Variants in SETBP1 observed in about 807,000 individuals in gnomAD.
SETBP1 encodes the protein SET binding protein 1.
Under a neutral mutation model 101.0 loss-of-function variants are expected in SETBP1, and 9 were observed. The observed-to-expected ratio is 0.09, with a 90% CI of 0.05 to 0.16. The LOEUF is 0.16. SETBP1 is among the 10% of genes least tolerant of loss of function. The probability of loss-of-function intolerance (pLI) is 1.00; values close to 1 mark genes in which losing one functional copy is unlikely to be tolerated. For synonymous variants in SETBP1, 818 were observed against 788.5 expected (o/e 1.04, Z -0.63); for missense variants, 1,858 against 2,033.8 (o/e 0.91, Z 1.66).
intron 4 of SETBP1, among the ~76,000 whole-genome samples, chr18:44,970,598 C>T (rs898051980): frequency 2.0e-5 from 3 of 151,960 alleles, no homozygotes; most frequent in Non-Finnish European, 4.4e-5. Flanking sequence ...GTTCCCCAGG[C>T]TGCAGTGAAA....
At chr18:44,864,006 A>G (rs1670768580) in intron 2 of SETBP1, among the ~76,000 whole-genome samples, 3 of 152,056 alleles carry the variant, frequency 2.0e-5, no homozygotes, top group African/African-American at 7.2e-5. Flanking sequence ...AGCCAGAGCA[A>G]TTGGTGCGGG....
chr18:45,051,747 G>A (rs1219133098), intron 5 of SETBP1, among the ~76,000 whole-genome samples: 1 of 151,916 alleles, frequency 6.6e-6, no homozygotes, highest in African/African-American at 2.4e-5. Flanking sequence ...GGTTTTCTTG[G>A]TGACTCTTAA....
intron 4 of SETBP1, among the ~76,000 whole-genome samples, chr18:45,020,258 TAAAAAAAAAA>T (rs57134217): frequency 6.0e-4 from 32 of 53,084 alleles, no homozygotes; most frequent in African/African-American, 1.7e-3. Context: ...GACTCTGTCT[TAAAAAAAAAA>T]AAAAAAAAAA....
intron 5 of SETBP1, among the ~76,000 whole-genome samples, chr18:45,059,143 C>A (rs1055823065): frequency 1.1e-4 from 17 of 152,032 alleles, no homozygotes; most frequent in African/African-American, 4.1e-4. Flanking sequence ...CCTCATGTAC[C>A]CATCAATATC....
At chr18:45,040,407 A>G (rs2073485095) in intron 5 of SETBP1, among the ~76,000 whole-genome samples, 1 of 152,190 alleles carries the variant, frequency 6.6e-6, no homozygotes, top group Non-Finnish European at 1.5e-5. Context: ...GCTGTGGCTG[A>G]CTTCAAAAAA....
chr18:44,889,903 A>T (rs2069729309), intron 3 of SETBP1, among the ~76,000 whole-genome samples: 1 of 152,150 alleles, frequency 6.6e-6, no homozygotes, highest in Non-Finnish European at 1.5e-5. Context: ...TTTTCCCAAC[A>T]TTTAATGAAG....
chr18:44,712,435 A>C (rs1161854052), intron 2 of SETBP1, among the ~76,000 whole-genome samples: 1 of 152,222 alleles, frequency 6.6e-6, no homozygotes, highest in Non-Finnish European at 1.5e-5. Flanking sequence ...ATGAGAACTC[A>C]GCTCAGGAAT....
chr18:44,855,181 G>T (rs777203031), intron 2 of SETBP1, among the ~76,000 whole-genome samples: 1 of 151,736 alleles, frequency 6.6e-6, no homozygotes, highest in Non-Finnish European at 1.5e-5. Flanking sequence ...ATAATTAACA[G>T]GTTATAGTGT....
intron 3 of SETBP1, among the ~76,000 whole-genome samples, chr18:44,923,874 G>C (rs2070636844): frequency 6.6e-6 from 1 of 152,168 alleles, no homozygotes; most frequent in Non-Finnish European, 1.5e-5. Context: ...AGTGTGTGCA[G>C]TCTAGAAGAC....
At chr18:44,877,485 A>C (rs2069433759) in intron 3 of SETBP1, 1 of 552,988 alleles carries the variant, frequency 1.8e-6, no homozygotes, top group Non-Finnish European at 2.3e-6. Flanking sequence ...TTCACCCTCC[A>C]AAAAAAATGG....
chr18:44,842,931 A>G (rs1372924214), intron 2 of SETBP1, among the ~76,000 whole-genome samples: 1 of 152,214 alleles, frequency 6.6e-6, no homozygotes, highest in Non-Finnish European at 1.5e-5. Flanking sequence ...ATGACCCTTG[A>G]GCTGGCAGAG....
In SETBP1 at chr18:45,006,876, G is replaced by A. The variant is rs138123635; in HGVS notation, c.4001-31609G>A. 4.9e-3 allele frequency among the ~76,000 whole-genome samples: 748 copies of A among 152,268 alleles called. 7 individuals carry two copies. The highest frequency in any genetic ancestry group is 0.017 in the African/African-American group (720 of 41,538). On this transcript the variant is annotated intron_variant, in intron 4 of 5. Transcript: ENST00000649279. ...ATTGCCTTATATTCGCACATCCTCT[G>A]TTGCACCAAGTGAACTCTACAGCAC...
intron 4 of SETBP1, among the ~76,000 whole-genome samples, chr18:44,976,485 G>T (rs181813500): frequency 4.6e-5 from 7 of 152,312 alleles, no homozygotes; most frequent in Admixed American, 2.0e-4. Context: ...GCCCTCATCC[G>T]CCCTGCTGTG....
Position 44,791,776 on chromosome 18 carries a change from C to A in SETBP1, c.487-77454C>A, listed in dbSNP as rs377057080. On this transcript the variant is annotated intron_variant, in intron 2 of 5. Coordinates refer to ENST00000649279, the MANE Select transcript of SETBP1 (RefSeq NM_015559.3). Reference sequence around the variant, plus strand: ...GCAAGAGTGAGAGAGCGCTTACAAACGCCTCCCTGGACATTTAGAATTTCT... The same window carrying A: ...GCAAGAGTGAGAGAGCGCTTACAAAAGCCTCCCTGGACATTTAGAATTTCT... Among the ~76,000 whole-genome samples, 4 of 152,244 alleles carry A rather than the reference C, an allele frequency of 2.6e-5. No individual in the cohort carries two copies. The South Asian group carries it at 8.3e-4, about 32-fold the overall frequency.
At chr18:44,963,565 G>A (rs1944278) in intron 4 of SETBP1, among the ~76,000 whole-genome samples, 137,010 of 152,130 alleles carry the variant, frequency 0.9, 61,873 homozygotes, top group African/African-American at 0.97. Flanking sequence ...CCCACCTACT[G>A]GTAAACATTC....
intron 4 of SETBP1, among the ~76,000 whole-genome samples, chr18:45,026,315 C>T (rs1338768059): frequency 6.6e-6 from 1 of 152,128 alleles, no homozygotes; most frequent in Non-Finnish European, 1.5e-5. Flanking sequence ...CCTTTGAGCA[C>T]CAAGCCAGCA....
intron 3 of SETBP1, among the ~76,000 whole-genome samples, chr18:44,945,578 G>A (rs775780455): frequency 6.6e-6 from 1 of 152,182 alleles, no homozygotes; most frequent in Non-Finnish European, 1.5e-5. Context: ...GGGGAGAGAG[G>A]TGGGAGGCAG....
intron 2 of SETBP1, among the ~76,000 whole-genome samples, chr18:44,827,612 G>A (rs2072265318): frequency 6.6e-6 from 1 of 152,158 alleles, no homozygotes; most frequent in African/African-American, 2.4e-5. Context: ...TTGGGCCTTA[G>A]CCTTATCAAT....
chr18:45,062,989 G>T, intron 5 of SETBP1, 90 bp from the exon 6 acceptor site: 1 of 1,557,208 alleles, frequency 6.4e-7, no homozygotes, highest in Non-Finnish European at 8.8e-7. Context: ...AATCTTTATA[G>T]CCAAGTAGAA....
Sources: gnomAD v4.1 joint callset for allele counts (sites outside exome capture counted in the v4.1 genomes callset) on GRCh38, gnomAD v4.1.1 for gene constraint, MANE v1.5 for transcripts, NCBI Gene and HGNC (gene_info 2026-07-23, HGNC 2026-07-21) for gene names.